TGFB2: variants seen among roughly 807,000 people sequenced by gnomAD.
TGFB2 encodes the protein transforming growth factor beta 2, also known as transforming growth factor beta-2 proprotein.
A neutral mutation model predicts 42.7 loss-of-function variants in TGFB2; 13 were observed. That is an observed-to-expected ratio of 0.30 (90% CI 0.20 to 0.48). The LOEUF (loss-of-function observed/expected upper bound fraction) is 0.48, where lower values mean the gene tolerates loss of function less well. TGFB2 is among the 20% of genes least tolerant of loss of function. TGFB2 has a pLI of 0.99. For synonymous variants in TGFB2, 193 were observed against 193.6 expected (o/e 1.00, Z 0.03); for missense variants, 390 against 517.5 (o/e 0.75, Z 2.39).
intron 1 of TGFB2, among the ~76,000 whole-genome samples, chr1:218,357,228 A>G (rs1443975046): frequency 6.6e-6 from 1 of 152,008 alleles, no homozygotes; most frequent in Non-Finnish European, 1.5e-5. Context: ...TGAAAAAAAA[A>G]AAAAAAGAAA....
intron 6 of TGFB2, among the ~76,000 whole-genome samples, chr1:218,438,437 C>T (rs1284670872): frequency 2.0e-5 from 3 of 152,164 alleles, no homozygotes; most frequent in African/African-American, 7.2e-5. Context: ...TGTAATTTAA[C>T]ATCTCTAAAC....
At chr1:218,398,822 C>T (rs887906242) in intron 1 of TGFB2, among the ~76,000 whole-genome samples, 8 of 152,186 alleles carry the variant, frequency 5.3e-5, no homozygotes, top group Middle Eastern at 3.4e-3. Context: ...CTTGACCTCG[C>T]GATCTGCCTG....
intron 2 of TGFB2, among the ~76,000 whole-genome samples, chr1:218,409,439 TA>T (rs769301513): frequency 6.6e-6 from 1 of 152,220 alleles, no homozygotes; most frequent in Non-Finnish European, 1.5e-5. Context: ...TTTGGAGTCC[TA>T]TTTTTAGTAT....
At chr1:218,426,943 T>G (rs1659643150) in intron 2 of TGFB2, among the ~76,000 whole-genome samples, 1 of 152,212 alleles carries the variant, frequency 6.6e-6, no homozygotes, top group Non-Finnish European at 1.5e-5. Flanking sequence ...TAAATCACAT[T>G]TATAGTGCAT....
At chr1:218,427,679 C>G (rs1054169448) in intron 2 of TGFB2, among the ~76,000 whole-genome samples, 3 of 152,122 alleles carry the variant, frequency 2.0e-5, no homozygotes, top group Non-Finnish European at 4.4e-5. Flanking sequence ...CTTTTTTTGA[C>G]TGTGTAGTAT....
rs548793876 is a variant in TGFB2 at position 218,394,582 on chromosome 1, A to G, written c.347-10587A>G. Among the ~76,000 whole-genome samples the G allele has an allele frequency of 5.3e-5, 8 of 152,298 alleles. No individual in the cohort carries two copies. In the South Asian group the frequency reaches 1.5e-3, roughly 28 times the overall value. On this transcript the variant is annotated intron_variant, in intron 1 of 6. Transcript: ENST00000366930. Reference sequence around the variant, plus strand: ...AGTCACGTAAGCTGATGCCGACACAATTAGACTCACCATTGCCAACAGCTC... The same window carrying G: ...AGTCACGTAAGCTGATGCCGACACAGTTAGACTCACCATTGCCAACAGCTC...
intron 1 of TGFB2, chr1:218,363,542 G>C: frequency 1.1e-6 from 1 of 929,914 alleles, no homozygotes; most frequent in South Asian, 1.6e-5. Context: ...CCTTGTACCT[G>C]AGCGATCACA....
At chr1:218,409,991 C>T (rs1659044158) in intron 2 of TGFB2, among the ~76,000 whole-genome samples, 1 of 152,130 alleles carries the variant, frequency 6.6e-6, no homozygotes, top group African/African-American at 2.4e-5. Flanking sequence ...GTTTGGAATC[C>T]CTGGGGGAGC....
intron 1 of TGFB2, chr1:218,363,234 C>T (rs906703476): frequency 1.0e-6 from 1 of 1,002,144 alleles, no homozygotes; most frequent in African/African-American, 1.6e-5. Context: ...ATGATAAGAA[C>T]ATTCAATGAG....
chr1:218,427,234 G>A (rs1007973868), intron 2 of TGFB2, among the ~76,000 whole-genome samples: 30 of 151,742 alleles, frequency 2.0e-4, no homozygotes, highest in Non-Finnish European at 3.5e-4. Context: ...TTTTTTTATC[G>A]CCAGCAGAAA....
intron 2 of TGFB2, among the ~76,000 whole-genome samples, chr1:218,418,388 T>C (rs1224089844): frequency 6.6e-6 from 1 of 152,256 alleles, no homozygotes; most frequent in African/African-American, 2.4e-5. Flanking sequence ...TTCTCCCATT[T>C]GGAATGACTA....
intron 1 of TGFB2, among the ~76,000 whole-genome samples, chr1:218,403,077 T>G (rs1270811434): frequency 6.6e-6 from 1 of 152,254 alleles, no homozygotes; most frequent in African/African-American, 2.4e-5. Flanking sequence ...AAAGCCTTTC[T>G]GCGTGCACCA....
intron 1 of TGFB2, among the ~76,000 whole-genome samples, chr1:218,386,665 A>T (rs1044037541): frequency 6.6e-6 from 1 of 152,156 alleles, no homozygotes; most frequent in African/African-American, 2.4e-5. Flanking sequence ...AGAGAAAGGG[A>T]GGGCTTCCAT....
chr1:218,423,400 G>C lies in TGFB2; in HGVS notation c.511-10682G>C, dbSNP rs149705348. ...AGGGACCACATGCTCAGCAAATCCCGTAGCATTGCATGGGGAACTAGGGAA... is the reference window on the plus strand; with the variant it reads ...AGGGACCACATGCTCAGCAAATCCCCTAGCATTGCATGGGGAACTAGGGAA... On this transcript the variant is annotated intron_variant, in intron 2 of 6. Coordinates refer to ENST00000366930, the MANE Select transcript of TGFB2 (RefSeq NM_003238.6). Among the ~76,000 whole-genome samples, 23 of 152,262 alleles carry C rather than the reference G, an allele frequency of 1.5e-4. No individual in the cohort carries two copies. The South Asian group carries it at 4.6e-3, about 30-fold the overall frequency.
chr1:218,375,230 T>TA (rs1558233614), intron 1 of TGFB2, among the ~76,000 whole-genome samples: 1 of 152,128 alleles, frequency 6.6e-6, no homozygotes, highest in Non-Finnish European at 1.5e-5. Flanking sequence ...TGGTTTTTTT[T>TA]ATCCCAACCT....
At chr1:218,414,313 G>T (rs1410689830) in intron 2 of TGFB2, among the ~76,000 whole-genome samples, 1 of 151,916 alleles carries the variant, frequency 6.6e-6, no homozygotes, top group African/African-American at 2.4e-5. Flanking sequence ...AATAAAAAGA[G>T]GTCAGCCAAA....
At chr1:218,420,187 ATAGG>A (rs1042694981) in intron 2 of TGFB2, among the ~76,000 whole-genome samples, 22 of 152,222 alleles carry the variant, frequency 1.4e-4, no homozygotes, top group African/African-American at 5.3e-4. Flanking sequence ...ATGGCAGGAA[ATAGG>A]TAGGTCATTG....
At chr1:218,408,583 A>G (rs1658991388) in intron 2 of TGFB2, among the ~76,000 whole-genome samples, 1 of 152,204 alleles carries the variant, frequency 6.6e-6, no homozygotes, top group Admixed American at 6.5e-5. Context: ...AGGTCCAGAG[A>G]GCAAGTCAAA....
At chr1:218,439,127 A>G (rs1382243754) in intron 6 of TGFB2, among the ~76,000 whole-genome samples, 4 of 141,908 alleles carry the variant, frequency 2.8e-5, no homozygotes, top group Non-Finnish European at 6.2e-5. Flanking sequence ...AAAAAAAAAA[A>G]GAAATTGGGG....
Sources: gnomAD v4.1 joint callset for allele counts (sites outside exome capture counted in the v4.1 genomes callset) on GRCh38, gnomAD v4.1.1 for gene constraint, MANE v1.5 for transcripts, NCBI Gene and HGNC (gene_info 2026-07-23, HGNC 2026-07-21) for gene names.